Variants in INSL6 observed in about 807,000 individuals in gnomAD.
INSL6 encodes the protein insulin-like peptide INSL6.
Under a neutral mutation model 9.4 loss-of-function variants are expected in INSL6, and 16 were observed. That is an observed-to-expected ratio of 1.70 (90% CI 1.15 to 2.59). The LOEUF is 2.59. INSL6 is among the 30% of genes most tolerant of loss of function. The probability of loss-of-function intolerance (pLI) is 0.00; values close to 1 mark genes in which losing one functional copy is unlikely to be tolerated. For synonymous variants in INSL6, 154 were observed against 96.9 expected, an observed-to-expected ratio of 1.59 and a Z score of -3.46; for missense variants, 391 against 257.3, an observed-to-expected ratio of 1.52 and a Z score of -3.56.
intron 3 of INSL6, chr9:5,126,782 GGCT>G: frequency 6.3e-7 from 1 of 1,599,914 alleles, no homozygotes; most frequent in Non-Finnish European, 8.5e-7. Flanking sequence ...GGGATAACAT[GGCT>G]GGATGAAAGA....
chr9:5,085,210 G>C, the INSL6 span: 1 of 664,218 alleles, frequency 1.5e-6, no homozygotes, highest in Non-Finnish European at 2.9e-6. Flanking sequence ...ATTCATTTCT[G>C]GGAACTGCTG....
chr9:5,178,102 T>A (rs976492122), intron 1 of INSL6, among the ~76,000 whole-genome samples: 15 of 152,294 alleles, frequency 9.8e-5, no homozygotes, highest in Admixed American at 9.8e-4. Context: ...CTTGAACTCC[T>A]GATGTCAAGT....
At chr9:5,099,566 A>C in the INSL6 span, 1 of 152,218 alleles carries the variant, frequency 6.6e-6, no homozygotes, top group Non-Finnish European at 1.5e-5. Context: ...ATTAAAATGA[A>C]CGAAATCTAT....
the INSL6 span, among the ~76,000 whole-genome samples, chr9:5,086,580 C>A: frequency 6.6e-6 from 1 of 151,996 alleles, no homozygotes; most frequent in Non-Finnish European, 1.5e-5. Context: ...ATTTTGGATG[C>A]CCTTCCAATA....
chr9:5,130,751 C>T (rs10974973), intron 3 of INSL6, among the ~76,000 whole-genome samples: 3,222 of 147,134 alleles, frequency 0.022, 68 homozygotes, highest in Non-Finnish European at 0.035. Flanking sequence ...TTTTTTGAGA[C>T]GGAGTCTCGC....
the INSL6 span, among the ~76,000 whole-genome samples, chr9:5,044,243 T>C: frequency 6.6e-6 from 1 of 152,266 alleles, no homozygotes; most frequent in Non-Finnish European, 1.5e-5. Flanking sequence ...ATTAGTGTTA[T>C]CCACATATCC....
the INSL6 span, among the ~76,000 whole-genome samples, chr9:5,065,443 T>C: frequency 6.6e-6 from 1 of 152,228 alleles, no homozygotes. Context: ...ACAAGATATA[T>C]ATGATGTCCA....
At chr9:5,169,975 A>G (rs7855300) in intron 1 of INSL6, among the ~76,000 whole-genome samples, 4,032 of 152,282 alleles carry the variant, frequency 0.026, 160 homozygotes, top group African/African-American at 0.091. Context: ...GAAAATTAAC[A>G]AAGATATTTA....
the INSL6 span, chr9:5,064,774 A>G: frequency 1.4e-6 from 1 of 731,126 alleles, no homozygotes; most frequent in Non-Finnish European, 2.1e-6. Flanking sequence ...AAAAGATATG[A>G]GCAATTTAGA....
the INSL6 span, among the ~76,000 whole-genome samples, chr9:5,005,003 A>G: frequency 7.3e-6 from 1 of 136,318 alleles, no homozygotes; most frequent in Admixed American, 7.8e-5. Context: ...TGCAGCCTTG[A>G]CCTCCCAAGC....
chr9:5,105,353 T>C, the INSL6 span, among the ~76,000 whole-genome samples: 1 of 152,088 alleles, frequency 6.6e-6, no homozygotes, highest in Admixed American at 6.6e-5. Flanking sequence ...TTACAAGAGA[T>C]GCGAAGGACC....
At chr9:5,078,952 T>C in the INSL6 span, among the ~76,000 whole-genome samples, 2 of 152,218 alleles carry the variant, frequency 1.3e-5, no homozygotes, top group Non-Finnish European at 2.9e-5. Flanking sequence ...TTCAGTCAGA[T>C]AGTTGAGAGG....
At chr9:5,114,222 C>T in the INSL6 span, 1 of 517,422 alleles carries the variant, frequency 1.9e-6, no homozygotes. Flanking sequence ...CCCCTTCTAC[C>T]TGTTCATCCG....
chr9:5,115,039 C>T, the INSL6 span, among the ~76,000 whole-genome samples: 1 of 152,144 alleles, frequency 6.6e-6, no homozygotes, highest in African/African-American at 2.4e-5. Flanking sequence ...ACACCAAAAG[C>T]AATGGCAACA....
At chr9:5,134,101 G>A (rs1007719951) in intron 2 of INSL6, among the ~76,000 whole-genome samples, 1 of 152,136 alleles carries the variant, frequency 6.6e-6, no homozygotes, top group African/African-American at 2.4e-5. Flanking sequence ...ACCAGAGATT[G>A]CAGATCAACT....
At chr9:5,036,298 T>C in the INSL6 span, among the ~76,000 whole-genome samples, 51 of 152,358 alleles carry the variant, frequency 3.3e-4, no homozygotes, top group Non-Finnish European at 6.8e-4. Flanking sequence ...ATGGCCATAC[T>C]GCCCAAAGTC....
the INSL6 span, chr9:5,111,846 C>T: frequency 2.5e-6 from 1 of 399,768 alleles, no homozygotes; most frequent in Non-Finnish European, 4.9e-6. Flanking sequence ...TCGGCGGGGC[C>T]GACAACCTCC....
the INSL6 span, chr9:5,114,203 C>A: frequency 2.1e-6 from 1 of 481,622 alleles, no homozygotes; most frequent in Non-Finnish European, 4.1e-6. Context: ...CCTACCTGAG[C>A]CGGTCCAGCC....
At chr9:4,999,142 CT>C in the INSL6 span, among the ~76,000 whole-genome samples, 1 of 152,118 alleles carries the variant, frequency 6.6e-6, no homozygotes, top group Non-Finnish European at 1.5e-5. Context: ...GTCTTTTAAG[CT>C]TTTGCCTGTC....
Sources: gnomAD v4.1 joint callset for allele counts (sites outside exome capture counted in the v4.1 genomes callset) on GRCh38, gnomAD v4.1.1 for gene constraint, MANE v1.5 for transcripts, NCBI Gene and HGNC (gene_info 2026-07-23, HGNC 2026-07-21) for gene names.